The following ZNF100 variants were observed in gnomAD, a reference collection of about 807,000 sequenced individuals.
ZNF100 encodes the protein zinc finger protein 100 (Y1).
ZNF100 carries 12 observed loss-of-function variants against 15.8 expected under a neutral mutation model. That is an observed-to-expected ratio of 0.76 (90% CI 0.49 to 1.23). ZNF100 has a LOEUF of 1.23. Ranked by LOEUF, ZNF100 falls within the 50% of genes most tolerant of loss-of-function variation. The pLI is 0.00. For missense variants in ZNF100, 670 were observed against 635.6 expected (o/e 1.05, Z -0.58); for synonymous variants, 226 against 214.8 (o/e 1.05, Z -0.45).
chr19:21,738,287 A>C (rs1360919299), intron 4 of ZNF100, among the ~76,000 whole-genome samples: 1 of 125,510 alleles, frequency 8.0e-6, no homozygotes, highest in African/African-American at 3.1e-5. Flanking sequence ...AAAAAAAAAA[A>C]AAACTGATGG....
At chr19:21,729,054 C>T (rs916344607) in intron 4 of ZNF100, among the ~76,000 whole-genome samples, 4 of 151,870 alleles carry the variant, frequency 2.6e-5, no homozygotes, top group African/African-American at 9.7e-5. Context: ...TTATAACAAA[C>T]ACATATATAA....
intron 2 of ZNF100, among the ~76,000 whole-genome samples, chr19:21,748,697 A>C (rs1055029533): frequency 4.0e-5 from 6 of 150,294 alleles, no homozygotes; most frequent in Non-Finnish European, 8.9e-5. Flanking sequence ...AAGTGGGCAA[A>C]GTTTTTTTGT....
chr19:21,742,960 T>A (rs1209759345), intron 4 of ZNF100: 2 of 152,206 alleles, frequency 1.3e-5, no homozygotes, highest in Non-Finnish European at 2.9e-5. Context: ...CCAGGCACAG[T>A]GGCTCACGAC....
rs2035704947 is a variant in ZNF100 at position 21,722,824 on chromosome 19, ATAAATT to A, written c.*3853_*3858del. The A allele has an allele frequency of 6.6e-6, 1 of 151,416 alleles. No individual in the cohort carries two copies. The highest frequency in any genetic ancestry group is 1.5e-5 in the Non-Finnish European group (1 of 67,878). The allele number at this position is 151,416 out of a possible 1,614,324, so 9.4% of individuals were successfully genotyped here. ...ATAAAAGTATGTTACATAATAAAAAATAAATTTAAAATTGTTCACTTACCATTAACT... is the reference window on the plus strand; with the variant it reads ...ATAAAAGTATGTTACATAATAAAAAATAAAATTGTTCACTTACCATTAACT... On this transcript the variant is annotated 3_prime_UTR_variant, in exon 5 of 5. Transcript: ENST00000358296.
At chr19:21,756,000 A>G (rs919272642) in intron 2 of ZNF100, among the ~76,000 whole-genome samples, 2 of 152,214 alleles carry the variant, frequency 1.3e-5, no homozygotes, top group African/African-American at 2.4e-5. Context: ...CATGGCACAC[A>G]TACCTATGTA....
At position 21,726,793 on chromosome 19, in the gene ZNF100, G is replaced by C. The variant is rs770037782; in HGVS notation, c.1519C>G (p.His507Asp). Reference sequence around the variant, plus strand: ...CATTTGTAAGATTTCTCTCCAGTATGAGTTATCTTATGTTTAGTAAGGGTT... The same window carrying C: ...CATTTGTAAGATTTCTCTCCAGTATCAGTTATCTTATGTTTAGTAAGGGTT... ...SSTLTKHKITHTGEKSYKWEE... is the reference protein window; with the variant it reads ...SSTLTKHKITDTGEKSYKWEE... The change falls in exon 5 of 5, where the codon CAT becomes GAT. Residue 507 changes from histidine to aspartate, a missense_variant. Coordinates refer to ENST00000358296, the MANE Select transcript of ZNF100 (RefSeq NM_173531.4). 1.2e-6 allele frequency: 2 copies of C among 1,613,738 alleles called. No individual in the cohort carries two copies. Among genetic ancestry groups the C allele is most frequent in the Non-Finnish European group, 1.7e-6 (2 of 1,179,804 alleles).
chr19:21,731,845 C>G (rs1389876581), intron 4 of ZNF100, among the ~76,000 whole-genome samples: 1 of 152,162 alleles, frequency 6.6e-6, no homozygotes, highest in African/African-American at 2.4e-5. Flanking sequence ...GCCAGAACAT[C>G]AGACAAATTG....
intron 2 of ZNF100, among the ~76,000 whole-genome samples, chr19:21,762,881 G>A (rs2036503849): frequency 6.6e-6 from 1 of 152,104 alleles, no homozygotes; most frequent in Admixed American, 6.5e-5. Flanking sequence ...AGGCCATAAA[G>A]ACCTGGCTGA....
At chr19:21,743,982 C>A in intron 4 of ZNF100, 35 bp downstream of exon 4, 1 of 1,572,068 alleles carries the variant, frequency 6.4e-7, no homozygotes, top group Non-Finnish European at 8.6e-7. Flanking sequence ...TTGGACCTCA[C>A]ATCTGTGTCA....
chr19:21,761,326 GTTAT>G (rs979245243), intron 2 of ZNF100, among the ~76,000 whole-genome samples: 6 of 152,140 alleles, frequency 3.9e-5, no homozygotes, highest in African/African-American at 1.4e-4. Flanking sequence ...AAACAATTTA[GTTAT>G]TTATATAAGT....
rs1198302014 is a variant in ZNF100 at position 21,725,026 on chromosome 19, G to A, written c.*1657C>T. ...AGATCGTGCCACTGCACTCCAGCCTGGGTGACAGAGCAAGACTACCTCTCA... is the reference window on the plus strand; with the variant it reads ...AGATCGTGCCACTGCACTCCAGCCTAGGTGACAGAGCAAGACTACCTCTCA... On this transcript the variant is annotated 3_prime_UTR_variant, in exon 5 of 5. Transcript: ENST00000358296. 3.3e-5 allele frequency: 5 copies of A among 152,134 alleles called. No homozygotes were observed. In the East Asian group the frequency reaches 9.6e-4, roughly 29 times the overall value. 9.4% of individuals were successfully genotyped at this position (152,134 alleles called of 1,614,324 possible).
chr19:21,733,459 G>C (rs1029934883), intron 4 of ZNF100, among the ~76,000 whole-genome samples: 4 of 151,938 alleles, frequency 2.6e-5, no homozygotes, highest in African/African-American at 9.7e-5. Context: ...TATACTTCTG[G>C]AAAGTATGCA....
intron 2 of ZNF100, among the ~76,000 whole-genome samples, chr19:21,749,984 A>G (rs1433395046): frequency 6.6e-6 from 1 of 151,614 alleles, no homozygotes; most frequent in Non-Finnish European, 1.5e-5. Context: ...ACAGACTACA[A>G]TCAAAGGAGA....
intron 2 of ZNF100, among the ~76,000 whole-genome samples, chr19:21,760,593 C>T (rs1268737987): frequency 6.6e-6 from 1 of 151,582 alleles, no homozygotes; most frequent in African/African-American, 2.4e-5. Flanking sequence ...TTTTTTTTTA[C>T]TGTAACTGCC....
In ZNF100 at chr19:21,736,831, A is replaced by C. The variant is rs188308729; in HGVS notation, c.322+7186T>G. ...ATAAAATTAAGTCAGAAATAAAAAA[A>C]TTCTTTGAAACCAATGAGAACAAAG... On this transcript the variant is annotated intron_variant, in intron 4 of 4. Transcript: ENST00000358296. 1.5e-3 allele frequency among the ~76,000 whole-genome samples: 228 copies of C among 152,312 alleles called. 1 individual carries two copies. The highest frequency in any genetic ancestry group is 2.7e-3 in the Non-Finnish European group (183 of 68,014).
chr19:21,742,066 C>T (rs572705803), intron 4 of ZNF100, among the ~76,000 whole-genome samples: 4 of 152,118 alleles, frequency 2.6e-5, no homozygotes, highest in African/African-American at 4.8e-5. Flanking sequence ...GAGGCTGAGG[C>T]AGAGCGATCA....
At chr19:21,750,354 C>A (rs905519039) in intron 2 of ZNF100, among the ~76,000 whole-genome samples, 1 of 152,054 alleles carries the variant, frequency 6.6e-6, no homozygotes, top group African/African-American at 2.4e-5. Context: ...TATATAAAAA[C>A]AGCATCATTC....
intron 4 of ZNF100, among the ~76,000 whole-genome samples, chr19:21,735,060 A>G (rs1420659884): frequency 6.6e-6 from 1 of 152,218 alleles, no homozygotes; most frequent in Non-Finnish European, 1.5e-5. Flanking sequence ...AGCACTAAAT[A>G]TGAAAAGAAG....
At chr19:21,734,445 G>C (rs1376186637) in intron 4 of ZNF100, among the ~76,000 whole-genome samples, 1 of 151,940 alleles carries the variant, frequency 6.6e-6, no homozygotes, top group African/African-American at 2.4e-5. Flanking sequence ...AGTAGACCAA[G>C]CAGGAAAAAG....
Sources: gnomAD v4.1 joint callset for allele counts (sites outside exome capture counted in the v4.1 genomes callset) on GRCh38, gnomAD v4.1.1 for gene constraint, MANE v1.5 for transcripts, NCBI Gene and HGNC (gene_info 2026-07-23, HGNC 2026-07-21) for gene names.